URB2: variants seen among roughly 807,000 people sequenced by gnomAD.
The protein encoded by URB2 is unhealthy ribosome biogenesis protein 2 homolog.
Under a neutral mutation model 120.9 loss-of-function variants are expected in URB2, and 86 were observed. That is an observed-to-expected ratio of 0.71 (90% CI 0.60 to 0.85). The LOEUF (loss-of-function observed/expected upper bound fraction) is 0.85, where lower values mean the gene tolerates loss of function less well. Ranked by LOEUF, URB2 falls within the 40% of genes least tolerant of loss-of-function variation. The pLI, the probability that URB2 is intolerant of heterozygous loss-of-function variation, is 0.00. For missense variants in URB2, 1,765 were observed against 1,836.5 expected (o/e 0.96, Z 0.71); for synonymous variants, 755 against 758.4 (o/e 1.00, Z 0.07).
rs369789421 is a variant in URB2, at chr1:229,636,454, C to A, written c.1841C>A (p.Ala614Asp). The A allele has an allele frequency of 2.4e-5, 39 of 1,614,130 alleles. No individual in the cohort carries two copies. Among genetic ancestry groups the A allele is most frequent in the Non-Finnish European group, 3.2e-5 (38 of 1,180,058 alleles). The change falls in exon 4 of 10, where the codon GCC becomes GAC. Residue 614 changes from alanine to aspartate, a missense_variant. Transcript: ENST00000258243. The part of the protein sequence containing the change: ...DSVLLLSYTW[A>D]QVDAMFSLNC... ...GTGCTCCTGCTCTCTTACACTTGGG[C>A]CCAGGTGGACGCTATGTTCAGTTTG...
In URB2 at chr1:229,632,338, A is replaced by G. The variant is rs113623578; in HGVS notation, c.196A>G (p.Ile66Val). Residue 66 changes from isoleucine to valine, a missense_variant, in exon 3 of 10, where the codon ATT becomes GTT. Transcript: ENST00000258243. ...YKKKLELKED[I>V]VERLWIYIDN... ...GAAAAAGCTTGAACTGAAGGAAGAT[A>G]TTGTTGAAAGGCTTTGGATCTATAT... The G allele has an allele frequency of 2.7e-5, 43 of 1,597,216 alleles. No individual in the cohort carries two copies. In the African/African-American group the frequency reaches 3.4e-4, roughly 13 times the overall value.
In URB2 at chr1:229,635,619, A is replaced by G; in HGVS notation, c.1006A>G (p.Lys336Glu). The part of the protein sequence containing the change: ...QVLPRLFGCL[K>E]ISHLQEEQSK... ...TCTCCCCAGGTTGTTTGGCTGCTTG[A>G]AGATTTCACACCTGCAGGAGGAGCA... is the stretch of plus-strand genomic sequence containing the variant. The change falls in exon 4 of 10, where the codon AAG becomes GAG. Residue 336 changes from lysine (K) to glutamate (E), a missense_variant. Transcript: ENST00000258243. 6.2e-7 allele frequency: 1 copy of G among 1,614,100 alleles called. No homozygotes were observed. Among genetic ancestry groups the G allele is most frequent in the South Asian group, 1.1e-5 (1 of 91,084 alleles).
rs1666471290 is a variant in URB2 at position 229,659,326 on chromosome 1, C to T, written c.*29C>T. The T allele has an allele frequency of 3.7e-6, 6 of 1,608,234 alleles. No individual in the cohort carries two copies. Among genetic ancestry groups the T allele is most frequent in the Non-Finnish European group, 5.1e-6 (6 of 1,175,966 alleles). On this transcript the variant is annotated 3_prime_UTR_variant, in exon 10 of 10. Coordinates refer to ENST00000258243, the MANE Select transcript of URB2 (RefSeq NM_014777.4). ...TATGGGACAGAAGTGCCGCCAGTGACACTGTCCAGAGGCTTTGGCTGCATG... is the reference window on the plus strand; with the variant it reads ...TATGGGACAGAAGTGCCGCCAGTGATACTGTCCAGAGGCTTTGGCTGCATG...
Position 229,636,210 on chromosome 1 carries a change from G to T in URB2, c.1597G>T (p.Ala533Ser). ...AGTCTTGCCCTATTTGCAGAGTGAT[G>T]CCGACATGGCCCTGAAATCACTGTC... ...SLVLPYLQSD[A>S]DMALKSLSLS... Residue 533 changes from alanine to serine, a missense_variant, in exon 4 of 10, where the codon GCC becomes TCC. Coordinates refer to ENST00000258243, the MANE Select transcript of URB2 (RefSeq NM_014777.4). 6.2e-7 allele frequency: 1 copy of T among 1,613,150 alleles called. No individual in the cohort carries two copies.
rs565074872 is a variant in URB2, at chr1:229,635,830, C to T, written c.1217C>T (p.Pro406Leu). Residue 406 changes from proline to leucine, a missense_variant, in exon 4 of 10, where the codon CCG becomes CTG. Physicochemically the swap from Pro to Leu is moderately conservative, Grantham distance 98. Transcript: ENST00000258243. ...ATAAACCATGCACAAGCACCCATAC[C>T]GGCCTGGTTCCGCTGTCTGAAGACT... is the stretch of plus-strand genomic sequence containing the variant. ...LLINHAQAPI[P>L]AWFRCLKTLI... is the part of the protein sequence containing the mutation. The T allele has an allele frequency of 2.7e-5, 44 of 1,614,082 alleles. No individual in the cohort carries two copies. The highest frequency in any genetic ancestry group is 1.2e-4 in the Admixed American group (7 of 60,032).
chr1:229,643,267 T>C (rs1326210143), intron 4 of URB2, among the ~76,000 whole-genome samples: 9 of 152,262 alleles, frequency 5.9e-5, no homozygotes, highest in Non-Finnish European at 1.3e-4. Context: ...CACTGTCTTC[T>C]GTGGTTCAGG....
intron 9 of URB2, 30 bp from the exon 10 acceptor site, chr1:229,659,070 G>T (rs757414058): frequency 1.9e-6 from 3 of 1,598,054 alleles, no homozygotes; most frequent in Non-Finnish European, 8.6e-7. Context: ...GCCCCCAATT[G>T]TTCTCACAGA....
In URB2 at chr1:229,635,033, G is replaced by A. The variant is rs538437337; in HGVS notation, c.420G>A (p.Thr140=). The change falls in exon 4 of 10, where the codon ACG becomes ACA. Residue 140 remains threonine (T), a synonymous_variant. Transcript: ENST00000258243. ...CACCTGCCCTGGCTGTCATCTACAC[G>A]GCCAAACAGGAGCTGATGGTGGCCT... is the stretch of plus-strand genomic sequence containing the variant. The part of the protein sequence containing the change: ...LSTPALAVIY[T]AKQELMVALL... The A allele has an allele frequency of 7.6e-5, 123 of 1,614,092 alleles. 1 individual carries two copies. The South Asian group carries it at 1.1e-3, about 14-fold the overall frequency.
In URB2 at chr1:229,651,326, A is replaced by T; in HGVS notation, c.4237+4A>T. On this transcript the variant is annotated splice_donor_region_variant and intron_variant, in intron 8 of 9. Transcript: ENST00000258243. ...GAAGGGCGGCAGAAGGACAAAGGTA[A>T]TTTGGAGTAACATCAGACACAGTTT... 6.2e-7 allele frequency: 1 copy of T among 1,609,926 alleles called. No homozygotes were observed. The highest frequency in any genetic ancestry group is 1.7e-5 in the Admixed American group (1 of 59,182).
chr1:229,627,214 T>C (rs767306846), intron 1 of URB2, among the ~76,000 whole-genome samples: 20 of 152,250 alleles, frequency 1.3e-4, no homozygotes, highest in Non-Finnish European at 2.2e-4. Flanking sequence ...TGGAGACATA[T>C]TACTTTCTCC....
At chr1:229,641,461 G>A (rs944290510) in intron 4 of URB2, among the ~76,000 whole-genome samples, 1 of 152,172 alleles carries the variant, frequency 6.6e-6, no homozygotes, top group African/African-American at 2.4e-5. Context: ...GGCCTGGGGT[G>A]TTGCTGTGTC....
chr1:229,656,852 A>G (rs1156643088), intron 9 of URB2, among the ~76,000 whole-genome samples: 2 of 152,204 alleles, frequency 1.3e-5, no homozygotes, highest in East Asian at 1.9e-4. Context: ...CTGTAGAGCA[A>G]ATTTACAATG....
Position 229,659,949 on chromosome 1 carries a change from A to G in URB2, c.*652A>G, listed in dbSNP as rs921572987. 1.3e-5 allele frequency: 2 copies of G among 152,100 alleles called. No individual in the cohort carries two copies. The highest frequency in any genetic ancestry group is 2.9e-5 in the Non-Finnish European group (2 of 68,022). 9.4% of individuals were successfully genotyped at this position (152,100 alleles called of 1,614,324 possible). A position where few individuals can be genotyped will look rare whatever the true frequency, so the allele number is the denominator to read the frequency against. ...GTTCATTTAGGAATTTTTTTTTCCT[A>G]TGCAGTTTAAGAAATAATCCTAATT... On this transcript the variant is annotated 3_prime_UTR_variant, in exon 10 of 10. Transcript: ENST00000258243.
intron 8 of URB2, among the ~76,000 whole-genome samples, chr1:229,653,936 GT>G (rs760894683): frequency 0.015 from 911 of 60,572 alleles, 5 homozygotes; most frequent in African/African-American, 0.039. Context: ...CCATCTTGGT[GT>G]TTTTTTTTTT....
At chr1:229,658,791 C>T (rs1287766043) in intron 9 of URB2, among the ~76,000 whole-genome samples, 1 of 152,010 alleles carries the variant, frequency 6.6e-6, no homozygotes, top group African/African-American at 2.4e-5. Flanking sequence ...TTTAAAATGC[C>T]CCTGGTAAAC....
chr1:229,641,047 C>A, intron 4 of URB2, among the ~76,000 whole-genome samples: 1 of 122,556 alleles, frequency 8.2e-6, no homozygotes, highest in East Asian at 2.6e-4. Context: ...GAGTCTCATT[C>A]TGTCACCTAG....
chr1:229,643,544 C>G lies in URB2; in HGVS notation c.3646C>G (p.Pro1216Ala), dbSNP rs759999479. ...VRRVLADPEI[P>A]VQVTQDIEPH... ...TCTTTCCCACACAGATCCTGAAATT[C>G]CTGTTCAGGTCACTCAGGATATTGA... is the stretch of plus-strand genomic sequence containing the variant. The change falls in exon 5 of 10, where the codon CCT becomes GCT. Residue 1216 changes from proline (P) to alanine (A), a missense_variant. Pro to Ala is a conservative substitution (Grantham distance 27, BLOSUM62 -1). Coordinates refer to ENST00000258243, the MANE Select transcript of URB2 (RefSeq NM_014777.4). 11 of 1,613,946 alleles carry G rather than the reference C, an allele frequency of 6.8e-6. No individual in the cohort carries two copies. Among genetic ancestry groups the G allele is most frequent in the Non-Finnish European group, 9.3e-6 (11 of 1,180,018 alleles).
chr1:229,646,331 C>T (rs1469201947), intron 6 of URB2, among the ~76,000 whole-genome samples: 1 of 152,080 alleles, frequency 6.6e-6, no homozygotes, highest in Admixed American at 6.6e-5. Context: ...ACTGTGTGGT[C>T]CAGGCTAAGG....
chr1:229,626,676 G>T (rs1477217583), intron 1 of URB2, among the ~76,000 whole-genome samples: 1 of 152,272 alleles, frequency 6.6e-6, no homozygotes, highest in East Asian at 1.9e-4. Flanking sequence ...GGTAAGGGCG[G>T]TTGGAGGCCC....
Sources: gnomAD v4.1 joint callset for allele counts (sites outside exome capture counted in the v4.1 genomes callset) on GRCh38, gnomAD v4.1.1 for gene constraint, MANE v1.5 for transcripts, NCBI Gene and HGNC (gene_info 2026-07-23, HGNC 2026-07-21) for gene names.